Variants in EDA observed in about 807,000 individuals in gnomAD.
The protein encoded by EDA is ectodysplasin-A.
A neutral mutation model predicts 23.6 loss-of-function variants in EDA; 2 were observed. The ratio of observed to expected loss-of-function variants is 0.08; its 90% confidence interval spans 0.03 to 0.27. EDA has a LOEUF of 0.27. Among genes scored for constraint, EDA ranks in the 10% least tolerant of loss-of-function variants. The pLI is 1.00. For missense variants in EDA, 229 were observed against 324.2 expected, an observed-to-expected ratio of 0.71 and a Z score of 2.26; for synonymous variants, 131 against 132.0, an observed-to-expected ratio of 0.99 and a Z score of 0.05.
In EDA at chrX:69,837,516, A is replaced by G. The variant is rs755960253; in HGVS notation, c.397-119511A>G. On this transcript the variant is annotated intron_variant, in intron 1 of 7. Transcript: ENST00000374552. ...AATGAAGTTGTAACAGTTTTCTATAATTGTTGCATATGATTTTTTTGTTAA... is the reference window on the plus strand; with the variant it reads ...AATGAAGTTGTAACAGTTTTCTATAGTTGTTGCATATGATTTTTTTGTTAA... Among the ~76,000 whole-genome samples, 7 of 112,377 alleles carry G rather than the reference A, an allele frequency of 6.2e-5. No individual in the cohort carries two copies. The South Asian group carries it at 2.6e-3, about 42-fold the overall frequency.
chrX:69,960,504 G>A (rs1453504550), intron 2 of EDA, among the ~76,000 whole-genome samples: 1 of 110,937 alleles, frequency 9.0e-6, no homozygotes, highest in Non-Finnish European at 1.9e-5. Context: ...GGATATATAA[G>A]TCTACACTAA....
At chrX:69,724,256 G>T (rs551260705) in intron 1 of EDA, among the ~76,000 whole-genome samples, 1 of 111,613 alleles carries the variant, frequency 9.0e-6, no homozygotes, top group South Asian at 3.7e-4. Flanking sequence ...CTATAGAATT[G>T]TACCCTTGCC....
At chrX:69,865,149 T>C (rs184994745) in intron 1 of EDA, among the ~76,000 whole-genome samples, 31 of 110,509 alleles carry the variant, frequency 2.8e-4, no homozygotes, top group African/African-American at 9.8e-4. Flanking sequence ...AAAAAAGAAC[T>C]TCAGAGCTTG....
At chrX:69,914,637 C>T (rs941013958) in intron 1 of EDA, among the ~76,000 whole-genome samples, 3 of 111,282 alleles carry the variant, frequency 2.7e-5, no homozygotes, top group African/African-American at 9.8e-5. Flanking sequence ...CAGCATCCCC[C>T]TTCTAGCTAT....
intron 1 of EDA, among the ~76,000 whole-genome samples, chrX:69,690,439 T>C (rs1934681199): frequency 8.9e-6 from 1 of 111,813 alleles, no homozygotes; most frequent in Non-Finnish European, 1.9e-5. Context: ...TATGATATAT[T>C]AATTGATTTT....
intron 1 of EDA, among the ~76,000 whole-genome samples, chrX:69,826,814 G>T (rs2016452061): frequency 9.0e-6 from 1 of 110,688 alleles, no homozygotes. Context: ...TTACATTTTG[G>T]CATGATTTTG....
At chrX:69,887,031 A>T (rs1424314215) in intron 1 of EDA, among the ~76,000 whole-genome samples, 1 of 109,348 alleles carries the variant, frequency 9.1e-6, no homozygotes, top group Non-Finnish European at 1.9e-5. Flanking sequence ...GAGATCTACA[A>T]ATTACCTGAC....
intron 1 of EDA, among the ~76,000 whole-genome samples, chrX:69,661,799 C>T (rs111597424): frequency 4.5e-5 from 5 of 111,325 alleles, no homozygotes; most frequent in Non-Finnish European, 9.4e-5. Flanking sequence ...CAGCTTTGTT[C>T]TTTTGGCTTA....
intron 1 of EDA, among the ~76,000 whole-genome samples, chrX:69,775,969 G>A (rs928909144): frequency 1.8e-5 from 2 of 111,457 alleles, no homozygotes; most frequent in African/African-American, 6.5e-5. Context: ...TTTTGAAATT[G>A]AGTCATTGAC....
intron 1 of EDA, among the ~76,000 whole-genome samples, chrX:69,761,413 C>G (rs1170251363): frequency 8.9e-6 from 1 of 111,775 alleles, no homozygotes; most frequent in Non-Finnish European, 1.9e-5. Flanking sequence ...CTTTTACATA[C>G]AGTATCTTAT....
intron 1 of EDA, among the ~76,000 whole-genome samples, chrX:69,786,778 G>A (rs1408517600): frequency 1.8e-5 from 2 of 111,317 alleles, no homozygotes; most frequent in African/African-American, 6.5e-5. Context: ...TTGATTTGGG[G>A]TGGAGAGTTC....
chrX:69,705,116 G>A (rs774841164), intron 1 of EDA, among the ~76,000 whole-genome samples: 4 of 108,349 alleles, frequency 3.7e-5, no homozygotes, highest in Non-Finnish European at 5.7e-5. Flanking sequence ...CCAGCTACTC[G>A]GGAGGCTGAG....
In EDA at chrX:69,890,247, A is replaced by G. The variant is rs142786601; in HGVS notation, c.397-66780A>G. Among the ~76,000 whole-genome samples, 864 of 111,462 alleles carry G rather than the reference A, an allele frequency of 7.8e-3. 3 individuals carry two copies. Among genetic ancestry groups the G allele is most frequent in the Non-Finnish European group, 0.013 (688 of 53,068 alleles). On this transcript the variant is annotated intron_variant, in intron 1 of 7. Coordinates refer to ENST00000374552, the MANE Select transcript of EDA (RefSeq NM_001399.5). ...AGAGGTGACACAAACTAACGGAAAA[A>G]CATTCCATGCTCATGGATAGGAAGA...
intron 1 of EDA, among the ~76,000 whole-genome samples, chrX:69,678,266 G>A (rs1934183663): frequency 9.1e-6 from 1 of 109,423 alleles, no homozygotes; most frequent in Non-Finnish European, 1.9e-5. Flanking sequence ...GATGCCTCCA[G>A]CTTTGTTCTT....
chrX:69,672,972 T>C (rs1027516062), intron 1 of EDA, among the ~76,000 whole-genome samples: 2 of 111,767 alleles, frequency 1.8e-5, no homozygotes, highest in South Asian at 7.5e-4. Flanking sequence ...GTGATTTTTA[T>C]TTTATGTATT....
intron 2 of EDA, among the ~76,000 whole-genome samples, chrX:69,994,110 G>C (rs775042070): frequency 4.5e-5 from 5 of 111,244 alleles, no homozygotes; most frequent in Non-Finnish European, 9.4e-5. Context: ...GGTGCTCATT[G>C]CTCCCTAAGA....
intron 1 of EDA, among the ~76,000 whole-genome samples, chrX:69,867,812 C>T (rs2017509922): frequency 1.8e-5 from 2 of 111,826 alleles, no homozygotes; most frequent in Admixed American, 1.9e-4. Flanking sequence ...GGCATTTGAG[C>T]CACTTCCTCA....
chrX:69,678,555 T>A (rs1934199095), intron 1 of EDA, among the ~76,000 whole-genome samples: 1 of 110,925 alleles, frequency 9.0e-6, no homozygotes, highest in Admixed American at 9.6e-5. Flanking sequence ...GTAAGTTGGA[T>A]TCCTAGGTAT....
chrX:69,838,721 A>G (rs993571178), intron 1 of EDA, among the ~76,000 whole-genome samples: 24 of 112,902 alleles, frequency 2.1e-4, no homozygotes, highest in Middle Eastern at 4.6e-3. Context: ...TAAAGTGGAC[A>G]ATCAATTCCT....
Sources: allele counts gnomAD v4.1 joint callset (sites outside exome capture counted in the v4.1 genomes callset), GRCh38; gene constraint gnomAD v4.1.1; transcripts MANE v1.5; gene names NCBI Gene and HGNC (gene_info 2026-07-23, HGNC 2026-07-21).